SNX8: variants seen among roughly 807,000 people sequenced by gnomAD.
The protein encoded by SNX8 is sorting nexin-8.
SNX8 carries 25 observed loss-of-function variants against 51.6 expected under a neutral mutation model. The ratio of observed to expected loss-of-function variants is 0.48; its 90% CI spans 0.35 to 0.68. The LOEUF is 0.68. Ranked by LOEUF, SNX8 falls within the 30% of genes least tolerant of loss-of-function variation. SNX8 has a pLI of 0.00. For missense variants in SNX8, 695 were observed against 624.0 expected, an observed-to-expected ratio of 1.11 and a Z score of -1.21; for synonymous variants, 324 against 277.0, an observed-to-expected ratio of 1.17 and a Z score of -1.68.
chr7:2,332,032 C>A (rs1161911749), intron 1 of SNX8, among the ~76,000 whole-genome samples: 1 of 151,908 alleles, frequency 6.6e-6, no homozygotes, highest in African/African-American at 2.4e-5. Flanking sequence ...TAGCAAGACC[C>A]TGTCTCTACA....
In SNX8 at chr7:2,341,392, G is replaced by A. The variant is rs182533903; in HGVS notation, c.-66+12830C>T. Among the ~76,000 whole-genome samples, 19 of 151,422 alleles carry A rather than the reference G, an allele frequency of 1.3e-4. No homozygotes were observed. In the East Asian group the frequency reaches 3.3e-3, roughly 27 times the overall value. ...CAGGTGCCTGTAATCCCAGCTACTC[G>A]GGAGGCTGAGGCAGGAGAATCGCTA... On this transcript the variant is annotated intron_variant, in intron 1 of 5. Coordinates refer to the SNX8 transcript ENST00000435336.
At chr7:2,317,251 C>CTTTTTTTTTT (rs780593342), upstream of SNX8, among the ~76,000 whole-genome samples, 10 of 43,118 alleles carry the variant, frequency 2.3e-4, 2 homozygotes, top group African/African-American at 7.1e-4. Flanking sequence ...CCTGGACCTT[C>CTTTTTTTTTT]TTTTTTTTTT....
chr7:2,258,057 C>T (rs1002351747), intron 7 of SNX8, among the ~76,000 whole-genome samples: 3 of 146,688 alleles, frequency 2.0e-5, no homozygotes, highest in African/African-American at 7.8e-5. Context: ...GTCGCCCAGG[C>T]TGGAATGCAG....
chr7:2,275,256 T>A, intron 2 of SNX8, 27 bp from the exon 3 acceptor site: 1 of 1,499,946 alleles, frequency 6.7e-7, no homozygotes, highest in Non-Finnish European at 9.3e-7. Flanking sequence ...GGTGCTTAGA[T>A]CCGACGTTGG....
chr7:2,296,033 C>T (rs147538749), intron 1 of SNX8, among the ~76,000 whole-genome samples: 275 of 152,248 alleles, frequency 1.8e-3, no homozygotes, highest in Non-Finnish European at 6.8e-4. Context: ...AAATTCATTC[C>T]TTTTGCTTAG....
chr7:2,295,592 C>CAAAAAA (rs147853805), intron 1 of SNX8, among the ~76,000 whole-genome samples: 1 of 93,538 alleles, frequency 1.1e-5, no homozygotes, highest in African/African-American at 4.8e-5. Flanking sequence ...GTAATCCCAG[C>CAAAAAA]AAAAAAAAAA....
chr7:2,260,933 G>A (rs1313352533), intron 7 of SNX8, among the ~76,000 whole-genome samples: 1 of 152,174 alleles, frequency 6.6e-6, no homozygotes, highest in Non-Finnish European at 1.5e-5. Context: ...GCGGCATCCA[G>A]GGCTGAATCA....
chr7:2,301,771 C>T (rs1435904659), intron 1 of SNX8, among the ~76,000 whole-genome samples: 1 of 152,160 alleles, frequency 6.6e-6, no homozygotes, highest in Non-Finnish European at 1.5e-5. Context: ...TCCTCAATTT[C>T]GACTGCTATC....
chr7:2,317,018 G>T (rs1461196478), upstream of SNX8, among the ~76,000 whole-genome samples: 1 of 152,112 alleles, frequency 6.6e-6, no homozygotes, highest in African/African-American at 2.4e-5. Context: ...CGCAGAAGAG[G>T]GTGAAGGGTG....
intron 3 of SNX8, among the ~76,000 whole-genome samples, chr7:2,274,567 G>A (rs928601829): frequency 1.3e-5 from 2 of 152,244 alleles, no homozygotes; most frequent in African/African-American, 4.8e-5. Context: ...CACCTGGCCC[G>A]AGGCCATCTT....
At chr7:2,304,308 G>A (rs923572834) in intron 1 of SNX8, among the ~76,000 whole-genome samples, 36 of 152,082 alleles carry the variant, frequency 2.4e-4, no homozygotes, top group Non-Finnish European at 4.1e-4. Flanking sequence ...ACTTTGGGAG[G>A]CCAAGGTGGG....
At chr7:2,318,453 G>T (rs1796787649), upstream of SNX8, among the ~76,000 whole-genome samples, 1 of 151,442 alleles carries the variant, frequency 6.6e-6, no homozygotes, top group Non-Finnish European at 1.5e-5. Context: ...GAACCCGGGA[G>T]GCAGAGCTTG....
chr7:2,307,701 T>A (rs1477082580), intron 1 of SNX8: 1 of 147,306 alleles, frequency 6.8e-6, no homozygotes, highest in Admixed American at 6.8e-5. Context: ...AGGCTCTCCA[T>A]GCACTCTCGG....
chr7:2,304,480 C>T (rs1037778563), intron 1 of SNX8, among the ~76,000 whole-genome samples: 1 of 151,924 alleles, frequency 6.6e-6, no homozygotes, highest in Non-Finnish European at 1.5e-5. Flanking sequence ...GGAGGCGGAG[C>T]TTGCAGCGAG....
intron 1 of SNX8, among the ~76,000 whole-genome samples, chr7:2,303,442 G>A (rs1441273341): frequency 7.9e-5 from 12 of 152,318 alleles, no homozygotes; most frequent in East Asian, 3.9e-4. Context: ...CCACCACCCC[G>A]TCTGGGAGGT....
upstream of SNX8, among the ~76,000 whole-genome samples, chr7:2,316,617 GCATT>G (rs964813592): frequency 1.4e-5 from 2 of 141,940 alleles, no homozygotes; most frequent in African/African-American, 5.6e-5. Context: ...ACTGCATCCT[GCATT>G]CATTCACACA....
At chr7:2,323,343 A>C (rs1368979380) in intron 1 of SNX8, among the ~76,000 whole-genome samples, 1 of 151,572 alleles carries the variant, frequency 6.6e-6, no homozygotes, top group Non-Finnish European at 1.5e-5. Context: ...AAAAAAAAAA[A>C]AAAAAACAAC....
chr7:2,267,972 T>A (rs1795515691), intron 5 of SNX8, among the ~76,000 whole-genome samples: 2 of 143,800 alleles, frequency 1.4e-5, no homozygotes, highest in African/African-American at 2.6e-5. Flanking sequence ...CCGCCCCATC[T>A]GGGATGTGAG....
intron 1 of SNX8, among the ~76,000 whole-genome samples, chr7:2,342,959 AT>A (rs931921393): frequency 3.3e-5 from 5 of 151,634 alleles, no homozygotes; most frequent in Non-Finnish European, 4.4e-5. Flanking sequence ...CCACCGGCTA[AT>A]TTTTTTGTAT....
Sources: gnomAD v4.1 joint callset for allele counts (sites outside exome capture counted in the v4.1 genomes callset) on GRCh38, gnomAD v4.1.1 for gene constraint, MANE v1.5 for transcripts, NCBI Gene and HGNC (gene_info 2026-07-23, HGNC 2026-07-21) for gene names.